Variants in CHN2 observed in about 807,000 individuals in gnomAD.
CHN2 encodes the protein chimerin 2, also known as beta-chimaerin.
A neutral mutation model predicts 56.3 loss-of-function variants in CHN2; 35 were observed. That is an observed-to-expected ratio of 0.62 (90% confidence interval 0.47 to 0.82). The LOEUF (loss-of-function observed/expected upper bound fraction) is 0.82. Among genes scored for constraint, CHN2 ranks in the 40% least tolerant of loss-of-function variants. CHN2 has a pLI of 0.00. For missense variants in CHN2, 491 were observed against 580.5 expected (o/e 0.85, Z 1.58); for synonymous variants, 210 against 212.8 (o/e 0.99, Z 0.12).
chr7:29,472,301 A>ACACACACG (rs1554298739), intron 6 of CHN2, among the ~76,000 whole-genome samples: 12 of 146,902 alleles, frequency 8.2e-5, no homozygotes, highest in African/African-American at 3.1e-4. Context: ...ACACACACGC[A>ACACACACG]CACACACACA....
chr7:29,252,966 T>G (rs1318629427), intron 1 of CHN2, among the ~76,000 whole-genome samples: 2 of 152,194 alleles, frequency 1.3e-5, no homozygotes, highest in Admixed American at 1.3e-4. Context: ...AAATATTTTC[T>G]ACAGGACCAT....
chr7:29,210,845 G>T (rs1053216425), intron 1 of CHN2, among the ~76,000 whole-genome samples: 1 of 152,104 alleles, frequency 6.6e-6, no homozygotes, highest in African/African-American at 2.4e-5. Flanking sequence ...AGGAACCGCA[G>T]CTGCAGAGTC....
intron 1 of CHN2, among the ~76,000 whole-genome samples, chr7:29,313,076 G>A (rs3793296): frequency 0.28 from 42,912 of 151,556 alleles, 6,116 homozygotes; most frequent in Non-Finnish European, 0.31. Flanking sequence ...CTTTTTTATC[G>A]GACTCTCTTC....
At chr7:29,370,366 G>A (rs1799510749) in intron 3 of CHN2, among the ~76,000 whole-genome samples, 1 of 152,190 alleles carries the variant, frequency 6.6e-6, no homozygotes, top group Admixed American at 6.5e-5. Context: ...GTGTGAGTTT[G>A]TGGCCAGGGA....
At chr7:29,197,194 C>T (rs1210965736) in intron 1 of CHN2, among the ~76,000 whole-genome samples, 1 of 152,190 alleles carries the variant, frequency 6.6e-6, no homozygotes, top group African/African-American at 2.4e-5. Flanking sequence ...AATTAGGGCA[C>T]TCCGTCAATG....
chr7:29,254,568 G>C (rs762358520), intron 1 of CHN2, among the ~76,000 whole-genome samples: 3 of 152,160 alleles, frequency 2.0e-5, no homozygotes, highest in Non-Finnish European at 4.4e-5. Flanking sequence ...AGCAGAAAAT[G>C]ACTTATGACA....
chr7:29,164,705 TG>T (rs931040359), intron 2 of CHN2, among the ~76,000 whole-genome samples: 12 of 139,390 alleles, frequency 8.6e-5, no homozygotes, highest in Middle Eastern at 4.1e-3. Context: ...CACTTGAACC[TG>T]GGAGGCGGAG....
At chr7:29,317,345 A>G (rs990662432) in intron 1 of CHN2, among the ~76,000 whole-genome samples, 1 of 152,206 alleles carries the variant, frequency 6.6e-6, no homozygotes, top group African/African-American at 2.4e-5. Context: ...AAAAATCAAC[A>G]TATGCGTCAG....
At chr7:29,457,531 A>G (rs560048336) in intron 6 of CHN2, among the ~76,000 whole-genome samples, 27 of 152,194 alleles carry the variant, frequency 1.8e-4, no homozygotes, top group Non-Finnish European at 3.7e-4. Context: ...CCCAGAAGAC[A>G]GTCATTGTAT....
At chr7:29,245,659 A>G (rs1385876037) in intron 1 of CHN2, among the ~76,000 whole-genome samples, 2 of 152,234 alleles carry the variant, frequency 1.3e-5, no homozygotes, top group East Asian at 3.9e-4. Flanking sequence ...GGATTTGCCC[A>G]AAGCCACACA....
intron 6 of CHN2, among the ~76,000 whole-genome samples, chr7:29,452,722 T>C (rs1442067872): frequency 6.6e-6 from 1 of 152,182 alleles, no homozygotes; most frequent in Non-Finnish European, 1.5e-5. Flanking sequence ...ACTGTGTAAG[T>C]GTAATTTGAT....
intron 1 of CHN2, among the ~76,000 whole-genome samples, chr7:29,281,822 C>T (rs184059704): frequency 6.6e-6 from 1 of 152,248 alleles, no homozygotes. Flanking sequence ...ACGGGAGATG[C>T]CTCCTTGTCC....
intron 1 of CHN2, among the ~76,000 whole-genome samples, chr7:29,326,067 G>A (rs1248368355): frequency 6.6e-6 from 1 of 152,122 alleles, no homozygotes; most frequent in South Asian, 2.1e-4. Flanking sequence ...ACTATAGTTG[G>A]CTGTGTGTCC....
chr7:29,263,949 C>T (rs1013315809), intron 1 of CHN2, among the ~76,000 whole-genome samples: 6 of 139,440 alleles, frequency 4.3e-5, no homozygotes, highest in African/African-American at 1.8e-4. Flanking sequence ...CCCCGCCCGG[C>T]CAGCCGCCCC....
chr7:29,369,210 CTGAG>C lies in CHN2; in HGVS notation c.144+1226_144+1229del, dbSNP rs1315417023. 6.6e-5 allele frequency among the ~76,000 whole-genome samples: 10 copies of C among 152,198 alleles called. No homozygotes were observed. In the East Asian group the frequency reaches 1.5e-3, roughly 23 times the overall value. ...AAATTTCCTTCACTCCTGCTTTTTA[CTGAG>C]TGTTTCTCCATCAGAAAAATTATTG... On this transcript the variant is annotated intron_variant, in intron 3 of 12. Coordinates refer to ENST00000222792, the MANE Select transcript of CHN2 (RefSeq NM_004067.4).
intron 6 of CHN2, among the ~76,000 whole-genome samples, chr7:29,402,073 C>G (rs181065215): frequency 6.6e-6 from 1 of 152,176 alleles, no homozygotes; most frequent in Admixed American, 6.5e-5. Context: ...TAAACCGGAA[C>G]GGGCCTCCCG....
At chr7:29,206,979 T>C (rs974052773) in intron 1 of CHN2, among the ~76,000 whole-genome samples, 5 of 152,218 alleles carry the variant, frequency 3.3e-5, no homozygotes, top group Non-Finnish European at 5.9e-5. Flanking sequence ...CTAATAGGTA[T>C]GAGTTCTTTT....
intron 6 of CHN2, among the ~76,000 whole-genome samples, chr7:29,426,194 G>A (rs1000190410): frequency 4.4e-5 from 5 of 113,200 alleles, no homozygotes; most frequent in African/African-American, 1.4e-4. Flanking sequence ...GGGTGATAGC[G>A]AGACTCTGTC....
chr7:29,191,022 A>C (rs1348609827), upstream of CHN2, among the ~76,000 whole-genome samples: 4 of 151,834 alleles, frequency 2.6e-5, no homozygotes, highest in East Asian at 7.7e-4. Flanking sequence ...GCATCCTTGA[A>C]CTTCTGGACT....
Sources: gnomAD v4.1 joint callset for allele counts (sites outside exome capture counted in the v4.1 genomes callset) on GRCh38, gnomAD v4.1.1 for gene constraint, MANE v1.5 for transcripts, NCBI Gene and HGNC (gene_info 2026-07-23, HGNC 2026-07-21) for gene names.